The following DST variants were observed in gnomAD, a reference collection of about 807,000 sequenced individuals.
DST encodes bullous pemphigoid antigen.
In DST, 253 loss-of-function variants were observed where a neutral mutation model predicts 875.2. The ratio of observed to expected loss-of-function variants is 0.29; its 90% CI spans 0.26 to 0.32. The LOEUF (loss-of-function observed/expected upper bound fraction) is 0.32. DST is among the 10% of genes least tolerant of loss of function. The probability of loss-of-function intolerance (pLI) is 1.00; values close to 1 mark genes in which losing one functional copy is unlikely to be tolerated. For missense variants in DST, 8,287 were observed against 9,111.6 expected, an observed-to-expected ratio of 0.91 and a Z score of 3.68; for synonymous variants, 3,124 against 3,197.1, an observed-to-expected ratio of 0.98 and a Z score of 0.77.
Position 56,573,021 on chromosome 6 carries a change from G to A in DST, c.13280C>T (p.Ala4427Val), listed in dbSNP as rs1484781372. The A allele has an allele frequency of 6.2e-7, 1 of 1,603,458 alleles. No homozygotes were observed. The highest frequency in any genetic ancestry group is 8.5e-7 in the Non-Finnish European group (1 of 1,174,988). Residue 4427 changes from alanine to valine, a missense_variant, in exon 52 of 104, where the codon GCC (alanine) becomes GTC (valine). By Grantham distance (64) the Ala-to-Val change is moderately conservative. Coordinates refer to ENST00000680361, the MANE Select transcript of DST (RefSeq NM_001374736.1). ...DIAGRQSSINAMNEKVKKFME... is the reference protein window; with the variant it reads ...DIAGRQSSINVMNEKVKKFME... ...AAATTTCTTCACTTTTTCATTCATGGCATTTATACTGCTCTGACGACCTGC... is the reference window on the plus strand; with the variant it reads ...AAATTTCTTCACTTTTTCATTCATGACATTTATACTGCTCTGACGACCTGC...
intron 4 of DST, among the ~76,000 whole-genome samples, chr6:56,748,500 CGATAATA>C (rs2099578708): frequency 6.6e-6 from 1 of 152,104 alleles, no homozygotes; most frequent in Non-Finnish European, 1.5e-5. Flanking sequence ...GCACTAAATA[CGATAATA>C]GAGTATAATT....
At chr6:56,491,432 T>C (rs923641571) in intron 85 of DST, among the ~76,000 whole-genome samples, 15 of 152,152 alleles carry the variant, frequency 9.9e-5, no homozygotes, top group African/African-American at 3.4e-4. Flanking sequence ...TTTAAAAATA[T>C]ATATATTTGT....
chr6:56,504,726 C>T (rs892154006), intron 77 of DST, among the ~76,000 whole-genome samples: 2 of 152,098 alleles, frequency 1.3e-5, no homozygotes, highest in Non-Finnish European at 2.9e-5. Flanking sequence ...TTTGCCATTA[C>T]TCTGTCACCC....
chr6:56,676,620 A>G (rs1436953970), intron 9 of DST, among the ~76,000 whole-genome samples: 2 of 152,154 alleles, frequency 1.3e-5, no homozygotes, highest in Non-Finnish European at 2.9e-5. Context: ...TAAGGAATCA[A>G]TCTAGGTGTC....
At chr6:56,796,097 C>G (rs2099739299) in intron 4 of DST, among the ~76,000 whole-genome samples, 1 of 152,118 alleles carries the variant, frequency 6.6e-6, no homozygotes, top group Admixed American at 6.6e-5. Flanking sequence ...GGCAACCATA[C>G]AGAACGAAAC....
chr6:56,605,033 G>A lies in DST; in HGVS notation c.9595C>T (p.Pro3199Ser). 1.2e-6 allele frequency: 2 copies of A among 1,612,828 alleles called. No homozygotes were observed. Among genetic ancestry groups the A allele is most frequent in the Non-Finnish European group, 1.7e-6 (2 of 1,179,280 alleles). Residue 3199 changes from proline (P) to serine (S), a missense_variant, in exon 40 of 104, where the codon CCA (proline) becomes TCA (serine). Coordinates refer to ENST00000680361, the MANE Select transcript of DST (RefSeq NM_001374736.1). ...KNIKAKDVAK[P>S]NEDVPSHVLI... Reference sequence around the variant, plus strand: ...ACATGGCTTGGGACATCTTCATTTGGTTTGGCTACATCTTTTGCTTTTATA... The same window carrying A: ...ACATGGCTTGGGACATCTTCATTTGATTTGGCTACATCTTTTGCTTTTATA...
At chr6:56,656,056 A>G (rs2099006663) in intron 10 of DST, among the ~76,000 whole-genome samples, 1 of 152,228 alleles carries the variant, frequency 6.6e-6, no homozygotes, top group Non-Finnish European at 1.5e-5. Flanking sequence ...AGTGTTTCAA[A>G]TTCCTGGAGA....
chr6:56,493,212 T>C (rs2095807027), intron 83 of DST, 123 bp from the exon 84 acceptor site: 3 of 724,676 alleles, frequency 4.1e-6, no homozygotes, highest in East Asian at 6.0e-5. Context: ...TATCTATTAA[T>C]ATATTAACTA....
chr6:56,865,631 C>T (rs1773629151), intron 3 of DST, among the ~76,000 whole-genome samples: 1 of 152,162 alleles, frequency 6.6e-6, no homozygotes, highest in Non-Finnish European at 1.5e-5. Context: ...GCTGGGATTA[C>T]AGGCATGAGC....
rs941930656 is a variant in DST, at chr6:56,462,986, G to A, written c.23070+60C>T. The A allele has an allele frequency of 2.3e-5, 22 of 946,164 alleles. No individual in the cohort carries two copies. The Middle Eastern group carries it at 6.5e-4, about 28-fold the overall frequency. 58.6% of individuals were successfully genotyped at this position (946,164 alleles called of 1,614,324 possible). On this transcript the variant is annotated intron_variant, in intron 102 of 103. Transcript: ENST00000680361. ...TTTAGGGAGTGGTGCAACGATGTTA[G>A]TGAGTGATAGCTTCAGTTAAAGGAG...
intron 47 of DST, among the ~76,000 whole-genome samples, chr6:56,595,550 T>G: frequency 6.6e-6 from 1 of 152,022 alleles, no homozygotes; most frequent in Non-Finnish European, 1.5e-5. Flanking sequence ...AGGAGCTGAG[T>G]AAGAATAACT....
chr6:56,852,116 C>T (rs919393955), intron 3 of DST: 24 of 964,586 alleles, frequency 2.5e-5, no homozygotes, highest in African/African-American at 3.5e-5. Context: ...CTGGAGACTC[C>T]GTTCTGACCA....
rs187390153 is a variant in DST at position 56,609,185 on chromosome 6, A to G, written c.5443T>C (p.Cys1815Arg). Residue 1815 changes from cysteine (C) to arginine (R), a missense_variant, in exon 40 of 104, where the codon TGC becomes CGC. Physicochemically the swap from Cys to Arg is radical, Grantham distance 180 (BLOSUM62 -3). This residue lies in a region of DST where 3,138 missense variants were observed against 3,116.6 expected (regional missense o/e 1.01). Transcript: ENST00000680361. Reference protein sequence around the residue: ...SGLISPELRKCFDLKDAKSHG... With the variant: ...SGLISPELRKRFDLKDAKSHG... ...CTTTTGGCATCTTTAAGGTCAAAGC[A>G]CTTTCTTAATTCTGGTGAAATTAGA... 1 of 1,613,842 alleles carries G rather than the reference A, an allele frequency of 6.2e-7. No individual in the cohort carries two copies. Among genetic ancestry groups the G allele is most frequent in the East Asian group, 2.2e-5 (1 of 44,884 alleles).
chr6:56,843,007 TC>T, intron 4 of DST: 2 of 1,359,772 alleles, frequency 1.5e-6, no homozygotes, highest in Non-Finnish European at 1.9e-6. Flanking sequence ...AGCGGTTGCC[TC>T]TCTGATCAGT....
chr6:56,497,355 A>G (rs777402567), intron 82 of DST, 24 bp downstream of exon 82: 3 of 1,606,670 alleles, frequency 1.9e-6, no homozygotes, highest in Non-Finnish European at 2.6e-6. Flanking sequence ...CTGAGGCTAA[A>G]GCTGTAGGAA....
At chr6:56,703,798 A>G in intron 6 of DST, 52 bp from the exon 7 acceptor site, 6 of 611,852 alleles carry the variant, frequency 9.8e-6, no homozygotes, top group Non-Finnish European at 1.2e-5. Context: ...AAGACAGACC[A>G]GAAATGAAAA....
intron 4 of DST, among the ~76,000 whole-genome samples, chr6:56,813,685 A>G (rs2099763395): frequency 6.6e-6 from 1 of 152,228 alleles, no homozygotes; most frequent in Admixed American, 6.5e-5. Flanking sequence ...CGAATTTCAG[A>G]AAAACAGTTC....
intron 69 of DST, among the ~76,000 whole-genome samples, chr6:56,521,031 A>G (rs1250805979): frequency 6.6e-6 from 1 of 152,180 alleles, no homozygotes; most frequent in African/African-American, 2.4e-5. Flanking sequence ...AATTTCTGTG[A>G]TATTATTTAA....
At chr6:56,938,215 C>G (rs1271177054) in intron 2 of DST, among the ~76,000 whole-genome samples, 1 of 151,732 alleles carries the variant, frequency 6.6e-6, no homozygotes, top group African/African-American at 2.4e-5. Flanking sequence ...CTCACTGCAG[C>G]CTCAAACTCC....
Sources: gnomAD v4.1 joint callset for allele counts (sites outside exome capture counted in the v4.1 genomes callset) on GRCh38, gnomAD v4.1.1 for gene constraint, gnomAD v4.1.1 regional missense constraint, MANE v1.5 for transcripts, NCBI Gene and HGNC (gene_info 2026-07-23, HGNC 2026-07-21) for gene names.